Variants in CDH12 observed in about 807,000 individuals in gnomAD.
CDH12 encodes the protein cadherin-12.
A neutral mutation model predicts 74.1 loss-of-function variants in CDH12; 41 were observed. The ratio of observed to expected loss-of-function variants is 0.55; its 90% CI spans 0.43 to 0.72. The LOEUF (loss-of-function observed/expected upper bound fraction) is 0.72, where lower values mean the gene tolerates loss of function less well. Among genes scored for constraint, CDH12 ranks in the 30% least tolerant of loss-of-function variants. CDH12 has a pLI of 0.00. For missense variants in CDH12, 945 were observed against 977.2 expected, an observed-to-expected ratio of 0.97 and a Z score of 0.44; for synonymous variants, 399 against 355.0, an observed-to-expected ratio of 1.12 and a Z score of -1.39.
chr5:22,547,086 C>T (rs887067041), intron 1 of CDH12, among the ~76,000 whole-genome samples: 10 of 152,186 alleles, frequency 6.6e-5, no homozygotes, highest in East Asian at 3.9e-4. Context: ...TTTTATAGAC[C>T]ATATGCAGAA....
Position 22,230,236 on chromosome 5 carries a change from G to T in CDH12, c.-332-17593C>A, listed in dbSNP as rs528081294. On this transcript the variant is annotated intron_variant, in intron 3 of 14. Transcript: ENST00000382254. Reference sequence around the variant, plus strand: ...CAAACTACTACTTTTTATTCCGCACGTTTTAAGGACAAAAGGAAAATTACT... The same window carrying T: ...CAAACTACTACTTTTTATTCCGCACTTTTTAAGGACAAAAGGAAAATTACT... Among the ~76,000 whole-genome samples the T allele has an allele frequency of 9.2e-5, 14 of 152,052 alleles. 1 individual carries two copies. The highest frequency in any genetic ancestry group is 3.4e-3 in the Middle Eastern group (1 of 294).
At chr5:21,791,300 G>T (rs1215738860) in intron 10 of CDH12, among the ~76,000 whole-genome samples, 1 of 152,022 alleles carries the variant, frequency 6.6e-6, no homozygotes, top group Non-Finnish European at 1.5e-5. Context: ...CAATGAACTT[G>T]CAATGAAACC....
chr5:21,789,722 T>C (rs1255613401), intron 10 of CDH12, among the ~76,000 whole-genome samples: 1 of 152,134 alleles, frequency 6.6e-6, no homozygotes. Flanking sequence ...AATGAACAGA[T>C]CATTCTTTAA....
At chr5:22,636,896 G>T (rs1236910558) in intron 1 of CDH12, among the ~76,000 whole-genome samples, 1 of 152,208 alleles carries the variant, frequency 6.6e-6, no homozygotes, top group Admixed American at 6.5e-5. Flanking sequence ...CATTGAAGAG[G>T]ACAAGTTGTA....
chr5:22,022,545 ACATGTGGTAT>A (rs1738059228), intron 5 of CDH12, among the ~76,000 whole-genome samples: 1 of 152,092 alleles, frequency 6.6e-6, no homozygotes, highest in Non-Finnish European at 1.5e-5. Context: ...ATCAACTAAT[ACATGTGGTAT>A]CAGCTGATTA....
At chr5:22,740,580 G>A (rs1212553163) in intron 1 of CDH12, among the ~76,000 whole-genome samples, 1 of 151,950 alleles carries the variant, frequency 6.6e-6, no homozygotes, top group African/African-American at 2.4e-5. Flanking sequence ...CATCTTCATT[G>A]TAAATATAAA....
intron 1 of CDH12, among the ~76,000 whole-genome samples, chr5:22,563,084 A>G (rs1176992416): frequency 1.4e-5 from 2 of 148,010 alleles, no homozygotes; most frequent in Non-Finnish European, 3.0e-5. Context: ...ATTTATATAT[A>G]TATATGTAAA....
intron 3 of CDH12, among the ~76,000 whole-genome samples, chr5:22,270,325 G>C (rs1030595887): frequency 6.6e-6 from 1 of 152,144 alleles, no homozygotes; most frequent in African/African-American, 2.4e-5. Flanking sequence ...GCTGGACACA[G>C]TGGCTCACGG....
intron 7 of CDH12, among the ~76,000 whole-genome samples, chr5:21,851,517 A>C (rs889034206): frequency 6.6e-6 from 1 of 150,860 alleles, no homozygotes; most frequent in Non-Finnish European, 1.5e-5. Flanking sequence ...TGTTTTATAA[A>C]TGTTAAGTAT....
chr5:22,843,908 C>A (rs1042598946), intron 1 of CDH12, among the ~76,000 whole-genome samples: 1 of 151,918 alleles, frequency 6.6e-6, no homozygotes, highest in Non-Finnish European at 1.5e-5. Flanking sequence ...TTAATGAGTA[C>A]ATTCAATGTC....
intron 1 of CDH12, among the ~76,000 whole-genome samples, chr5:22,535,255 C>A (rs1390387641): frequency 1.3e-5 from 2 of 150,102 alleles, no homozygotes; most frequent in Admixed American, 1.3e-4. Flanking sequence ...CCCGGGTTCA[C>A]GCCATTCTCC....
chr5:22,590,630 T>C (rs1740651581), intron 1 of CDH12, among the ~76,000 whole-genome samples: 1 of 152,198 alleles, frequency 6.6e-6, no homozygotes, highest in Non-Finnish European at 1.5e-5. Flanking sequence ...ATTCAAAAGA[T>C]CTAATATACT....
At chr5:22,152,918 C>T (rs1168510670) in intron 4 of CDH12, among the ~76,000 whole-genome samples, 1 of 152,138 alleles carries the variant, frequency 6.6e-6, no homozygotes, top group Non-Finnish European at 1.5e-5. Flanking sequence ...CTAGGTTCAT[C>T]CATGTGCAAC....
intron 4 of CDH12, among the ~76,000 whole-genome samples, chr5:22,116,390 G>A (rs1392205626): frequency 6.6e-6 from 1 of 152,090 alleles, no homozygotes; most frequent in Non-Finnish European, 1.5e-5. Flanking sequence ...CGGGTCACGA[G>A]GTCAGGAGAT....
At chr5:21,945,427 CAAAAAAAAAA>C (rs1167475672) in intron 6 of CDH12, among the ~76,000 whole-genome samples, 219 of 15,494 alleles carry the variant, frequency 0.014, no homozygotes, top group African/African-American at 0.045. Flanking sequence ...CTGTTTCAGA[CAAAAAAAAAA>C]AAAAAAAAAA....
chr5:22,248,425 G>A lies in CDH12; in HGVS notation c.-332-35782C>T, dbSNP rs147116520. On this transcript the variant is annotated intron_variant, in intron 3 of 14. Transcript: ENST00000382254. ...TCTCAGGAGTATTTTCAGAATCCTT[G>A]AACAATTTCAGGGGATATTTCAAAT... Among the ~76,000 whole-genome samples the A allele has an allele frequency of 1.6e-3, 239 of 151,966 alleles. 4 individuals carry two copies. Among genetic ancestry groups the A allele is most frequent in the African/African-American group, 5.6e-3 (234 of 41,454 alleles).
At chr5:22,712,631 TGAAA>T (rs1245394690) in intron 1 of CDH12, among the ~76,000 whole-genome samples, 2 of 152,202 alleles carry the variant, frequency 1.3e-5, no homozygotes, top group Non-Finnish European at 2.9e-5. Flanking sequence ...GACATTGTTC[TGAAA>T]GCTTAACTTA....
chr5:22,217,675 A>T (rs1751861384), intron 3 of CDH12, among the ~76,000 whole-genome samples: 1 of 151,840 alleles, frequency 6.6e-6, no homozygotes, highest in Admixed American at 6.6e-5. Flanking sequence ...AAAGATACTA[A>T]AAATTAGTAA....
At chr5:22,267,286 G>A (rs552863261) in intron 3 of CDH12, among the ~76,000 whole-genome samples, 6 of 152,290 alleles carry the variant, frequency 3.9e-5, no homozygotes, top group South Asian at 2.1e-4. Context: ...TATGAGTAAC[G>A]TGTTTTAATT....
Sources: allele counts gnomAD v4.1 joint callset (sites outside exome capture counted in the v4.1 genomes callset), GRCh38; gene constraint gnomAD v4.1.1; transcripts MANE v1.5; gene names NCBI Gene and HGNC (gene_info 2026-07-23, HGNC 2026-07-21).